Variants in PRKCI observed in about 807,000 individuals in gnomAD.
The protein encoded by PRKCI is protein kinase C iota type.
A neutral mutation model predicts 84.0 loss-of-function variants in PRKCI; 43 were observed. The observed-to-expected ratio is 0.51, with a 90% confidence interval of 0.40 to 0.66. The LOEUF (loss-of-function observed/expected upper bound fraction) is 0.66. Ranked by LOEUF, PRKCI falls within the 30% of genes least tolerant of loss-of-function variation. The pLI is 0.00. For missense variants in PRKCI, 459 were observed against 745.6 expected, an observed-to-expected ratio of 0.62 and a Z score of 4.48; for synonymous variants, 216 against 234.4, an observed-to-expected ratio of 0.92 and a Z score of 0.72.
Position 170,303,257 on chromosome 3 carries a change from T to C in PRKCI, c.*130T>C, listed in dbSNP as rs1364536889. The C allele has an allele frequency of 5.5e-6, 3 of 546,242 alleles. No homozygotes were observed. Among genetic ancestry groups the C allele is most frequent in the South Asian group, 3.2e-5 (1 of 31,560 alleles). The allele number at this position is 546,242 out of a possible 1,614,324, so 33.8% of individuals were successfully genotyped here. ...AAAAAACACCCAATATCTTCTCTTG[T>C]AGACTATATGAATCAATTATTACAT... On this transcript the variant is annotated 3_prime_UTR_variant, in exon 18 of 18. Coordinates refer to ENST00000295797, the MANE Select transcript of PRKCI (RefSeq NM_002740.6).
intron 7 of PRKCI, among the ~76,000 whole-genome samples, chr3:170,274,994 T>C (rs772199180): frequency 2.4e-4 from 36 of 152,302 alleles, no homozygotes; most frequent in Non-Finnish European, 4.3e-4. Flanking sequence ...GCTACCAGGT[T>C]GTGATGCTTG....
intron 2 of PRKCI, among the ~76,000 whole-genome samples, 192 bp from the exon 3 acceptor site, chr3:170,259,777 G>A (rs1435306004): frequency 6.6e-6 from 1 of 152,102 alleles, no homozygotes; most frequent in African/African-American, 2.4e-5. Flanking sequence ...CTGCACTCCA[G>A]CCTGGGTGGC....
chr3:170,295,349 C>G (rs1251747671), intron 14 of PRKCI, among the ~76,000 whole-genome samples: 11 of 151,648 alleles, frequency 7.3e-5, no homozygotes. Flanking sequence ...ATGGTGAGAC[C>G]CTTATCTCTA....
At chr3:170,235,420 TATA>T (rs1732944698) in intron 2 of PRKCI, 69 bp downstream of exon 2, 1 of 1,540,588 alleles carries the variant, frequency 6.5e-7, no homozygotes. Flanking sequence ...GTTGTAAAAA[TATA>T]ATGAGTCCTA....
Position 170,254,171 on chromosome 3 carries a change from C to T in PRKCI, c.224-5798C>T, listed in dbSNP as rs556136569. 3.1e-4 allele frequency among the ~76,000 whole-genome samples: 46 copies of T among 146,538 alleles called. No individual in the cohort carries two copies. The South Asian group carries it at 8.5e-3, about 27-fold the overall frequency. The stretch of plus-strand genomic sequence containing the variant: ...ATCAGATTATTAGGTTTTTTTTTTC[C>T]TATTGAGTTGTTTGAACTCCTTGTC... On this transcript the variant is annotated intron_variant, in intron 2 of 17. Coordinates refer to ENST00000295797, the MANE Select transcript of PRKCI (RefSeq NM_002740.6).
intron 17 of PRKCI, among the ~76,000 whole-genome samples, chr3:170,302,575 C>T (rs1466473850): frequency 6.6e-6 from 1 of 152,168 alleles, no homozygotes; most frequent in Admixed American, 6.6e-5. Flanking sequence ...CATGATCTCC[C>T]TGCGGTGTTC....
intron 1 of PRKCI, among the ~76,000 whole-genome samples, chr3:170,228,384 G>T (rs1203916181): frequency 6.6e-6 from 1 of 152,170 alleles, no homozygotes; most frequent in Non-Finnish European, 1.5e-5. Flanking sequence ...TGAATCACTT[G>T]AGCCCAGGAA....
chr3:170,254,760 C>T (rs764037600), intron 2 of PRKCI, among the ~76,000 whole-genome samples: 7 of 152,066 alleles, frequency 4.6e-5, no homozygotes, highest in Non-Finnish European at 7.3e-5. Context: ...AGAATGTGAT[C>T]CCTCCAGTTT....
At chr3:170,269,661 T>A (rs539751401) in intron 5 of PRKCI, among the ~76,000 whole-genome samples, 2 of 151,654 alleles carry the variant, frequency 1.3e-5, no homozygotes, top group East Asian at 3.9e-4. Flanking sequence ...AATAAATAAA[T>A]AAATAAAAAG....
intron 8 of PRKCI, among the ~76,000 whole-genome samples, chr3:170,279,900 G>A (rs1269503924): frequency 6.6e-6 from 1 of 152,094 alleles, no homozygotes; most frequent in East Asian, 1.9e-4. Context: ...TGGTCACCAA[G>A]GTTAATGTGT....
intron 4 of PRKCI, among the ~76,000 whole-genome samples, chr3:170,265,610 CTTTCTT>C (rs1733838856): frequency 6.7e-6 from 1 of 149,530 alleles, no homozygotes; most frequent in African/African-American, 2.5e-5. Context: ...TAGCTCTAAA[CTTTCTT>C]TTTCTTTTTT....
At chr3:170,276,027 G>A (rs537406740) in intron 8 of PRKCI, among the ~76,000 whole-genome samples, 27 of 148,724 alleles carry the variant, frequency 1.8e-4, no homozygotes, top group Admixed American at 1.5e-3. Flanking sequence ...TTAAACTCCT[G>A]GGCTCAAGTT....
chr3:170,275,388 A>G, intron 8 of PRKCI, 101 bp downstream of exon 8: 1 of 1,034,144 alleles, frequency 9.7e-7, no homozygotes, highest in Non-Finnish European at 1.3e-6. Flanking sequence ...TTTAGATCAT[A>G]ATGGTGAAAT....
intron 8 of PRKCI, among the ~76,000 whole-genome samples, chr3:170,276,150 G>A (rs1395555391): frequency 6.6e-6 from 1 of 151,936 alleles, no homozygotes; most frequent in Non-Finnish European, 1.5e-5. Flanking sequence ...TGTTGCCCAA[G>A]CTAGTCCCGA....
chr3:170,297,481 GT>G, intron 16 of PRKCI, 88 bp downstream of exon 16: 17 of 1,059,704 alleles, frequency 1.6e-5, no homozygotes, highest in East Asian at 2.6e-5. Flanking sequence ...TTTAGACAGA[GT>G]CTTGCTCTGT....
At chr3:170,267,539 G>C (rs1360784082) in intron 4 of PRKCI, among the ~76,000 whole-genome samples, 1 of 151,840 alleles carries the variant, frequency 6.6e-6, no homozygotes. Context: ...TGAGCATGGT[G>C]GTGCATCTCT....
At chr3:170,265,728 C>T (rs1329052486) in intron 4 of PRKCI, among the ~76,000 whole-genome samples, 2 of 151,570 alleles carry the variant, frequency 1.3e-5, no homozygotes, top group Admixed American at 6.6e-5. Flanking sequence ...CATTCAGCCT[C>T]CTGAGTAGCT....
intron 6 of PRKCI, among the ~76,000 whole-genome samples, chr3:170,272,311 C>T (rs1734024447): frequency 6.6e-6 from 1 of 152,200 alleles, no homozygotes; most frequent in Non-Finnish European, 1.5e-5. Flanking sequence ...TACCTGGATG[C>T]ATCTTTCTAA....
In PRKCI at chr3:170,222,453, C is replaced by T; in HGVS notation, c.-217C>T. 2.2e-6 allele frequency: 1 copy of T among 458,130 alleles called. No homozygotes were observed. The highest frequency in any genetic ancestry group is 3.8e-6 in the Non-Finnish European group (1 of 263,964). The allele number at this position is 458,130 out of a possible 1,614,324, so 28.4% of individuals were successfully genotyped here. ...CAGGAGGTGTCTTGGGCCCGGGCGGCTGTAGAGGCGGCGGCGCCTACGGGC... is the reference window on the plus strand; with the variant it reads ...CAGGAGGTGTCTTGGGCCCGGGCGGTTGTAGAGGCGGCGGCGCCTACGGGC... On this transcript the variant is annotated 5_prime_UTR_variant, in exon 1 of 18. Coordinates refer to ENST00000295797, the MANE Select transcript of PRKCI (RefSeq NM_002740.6).
Sources: gnomAD v4.1 joint callset for allele counts (sites outside exome capture counted in the v4.1 genomes callset) on GRCh38, gnomAD v4.1.1 for gene constraint, MANE v1.5 for transcripts, NCBI Gene and HGNC (gene_info 2026-07-23, HGNC 2026-07-21) for gene names.